Variants in TIAM2 observed in about 807,000 individuals in gnomAD.
The protein encoded by TIAM2 is TIAM Rac1 associated GEF 2.
In TIAM2, 80 loss-of-function variants were observed where a neutral mutation model predicts 152.9. The observed-to-expected ratio is 0.52, with a 90% CI of 0.44 to 0.63. TIAM2 has a LOEUF of 0.63. TIAM2 is among the 30% of genes least tolerant of loss of function. The pLI, the probability that TIAM2 is intolerant of heterozygous loss-of-function variation, is 0.00. For missense variants in TIAM2, 1,965 were observed against 2,120.1 expected (o/e 0.93, Z 1.44); for synonymous variants, 804 against 838.0 (o/e 0.96, Z 0.70).
At chr6:155,165,194 C>G in intron 8 of TIAM2, 69 bp from the exon 9 acceptor site, 14 of 1,485,410 alleles carry the variant, frequency 9.4e-6, no homozygotes, top group African/African-American at 1.4e-5. Context: ...GCAGAGCTCA[C>G]TTCCTTCATT....
intron 19 of TIAM2, among the ~76,000 whole-genome samples, chr6:155,247,182 C>G (rs11752183): frequency 1.3e-5 from 2 of 152,044 alleles, no homozygotes; most frequent in Non-Finnish European, 2.9e-5. Flanking sequence ...GGAGAAAAGA[C>G]ACTGCTTTCC....
intron 8 of TIAM2, 104 bp downstream of exon 8, chr6:155,164,704 C>T (rs1208218857): frequency 7.3e-7 from 1 of 1,375,828 alleles, no homozygotes; most frequent in Non-Finnish European, 9.9e-7. Context: ...CTTGACCCAA[C>T]AACTGACACC....
At chr6:155,226,526 A>G (rs943580727) in intron 15 of TIAM2, among the ~76,000 whole-genome samples, 6 of 151,980 alleles carry the variant, frequency 3.9e-5, no homozygotes, top group East Asian at 3.9e-4. Flanking sequence ...TTAGCTGGGT[A>G]TGGTGGTGCA....
chr6:155,254,161 A>T, intron 25 of TIAM2, 101 bp downstream of exon 25: 2 of 1,284,904 alleles, frequency 1.6e-6, no homozygotes, highest in South Asian at 2.8e-5. Context: ...TGATGATATC[A>T]GGGTCATACT....
intron 1 of TIAM2, among the ~76,000 whole-genome samples, chr6:155,064,217 A>G (rs1478426488): frequency 1.3e-5 from 2 of 152,188 alleles, no homozygotes; most frequent in Admixed American, 6.5e-5. Context: ...TTGATTACCT[A>G]CCAGATTTCC....
At chr6:155,060,205 A>G (rs1583172149) in intron 1 of TIAM2, among the ~76,000 whole-genome samples, 1 of 152,054 alleles carries the variant, frequency 6.6e-6, no homozygotes, top group Non-Finnish European at 1.5e-5. Flanking sequence ...GGAGTTCGAG[A>G]CCAGCCTGAC....
intron 1 of TIAM2, among the ~76,000 whole-genome samples, chr6:155,087,482 C>G (rs1469876498): frequency 6.6e-6 from 1 of 152,152 alleles, no homozygotes; most frequent in Non-Finnish European, 1.5e-5. Context: ...GGTGCAGTGG[C>G]TCACGCCTGT....
intron 16 of TIAM2, among the ~76,000 whole-genome samples, chr6:155,241,979 GTGT>G (rs1216070608): frequency 2.0e-5 from 3 of 152,314 alleles, no homozygotes; most frequent in Admixed American, 6.5e-5. Context: ...TTTGGTAATA[GTGT>G]TGTTAGAATT....
At chr6:155,217,247 G>C (rs1290441301) in intron 15 of TIAM2, among the ~76,000 whole-genome samples, 1 of 152,210 alleles carries the variant, frequency 6.6e-6, no homozygotes, top group Non-Finnish European at 1.5e-5. Flanking sequence ...CTCCCCAGAA[G>C]GGATTCTGAC....
chr6:155,224,701 G>A (rs958163019), intron 15 of TIAM2, among the ~76,000 whole-genome samples: 5 of 152,186 alleles, frequency 3.3e-5, no homozygotes, highest in Admixed American at 2.0e-4. Flanking sequence ...GCATGCTGCC[G>A]CCTCTGCTAT....
At chr6:155,198,666 C>CAAAAAAAAAAAAAA (rs10626644) in intron 14 of TIAM2, among the ~76,000 whole-genome samples, 8 of 70,302 alleles carry the variant, frequency 1.1e-4, no homozygotes, top group Non-Finnish European at 1.5e-4. Flanking sequence ...GAGCAAATCT[C>CAAAAAAAAAAAAAA]AAAAAAAAAA....
chr6:155,199,976 T>C (rs946230756), intron 14 of TIAM2, among the ~76,000 whole-genome samples: 3 of 152,258 alleles, frequency 2.0e-5, no homozygotes, highest in Non-Finnish European at 4.4e-5. Context: ...GACAAGGTCA[T>C]AGTCAGTGGC....
At position 155,131,082 on chromosome 6, in the gene TIAM2, C is replaced by T. The variant is rs115593179; in HGVS notation, c.1194+665C>T. On this transcript the variant is annotated intron_variant, in intron 4 of 26. Coordinates refer to ENST00000682666, the MANE Select transcript of TIAM2 (RefSeq NM_012454.4). ...CCTAATCTTAAGACTTGGCCATAGC[C>T]GGTGTGGCAGCTCATGCCTGTCATC... Among the ~76,000 whole-genome samples, 1,318 of 152,318 alleles carry T rather than the reference C, an allele frequency of 8.7e-3. 15 individuals are homozygous for T. Among genetic ancestry groups the T allele is most frequent in the African/African-American group, 0.03 (1,244 of 41,566 alleles).
At chr6:155,209,910 C>T (rs1382073213) in intron 14 of TIAM2, among the ~76,000 whole-genome samples, 1 of 152,190 alleles carries the variant, frequency 6.6e-6, no homozygotes, top group Non-Finnish European at 1.5e-5. Context: ...TAAAGGTTCT[C>T]CAGAAACCAT....
chr6:155,134,798 C>T (rs920937401), intron 4 of TIAM2, among the ~76,000 whole-genome samples: 7 of 152,168 alleles, frequency 4.6e-5, no homozygotes, highest in East Asian at 3.9e-4. Context: ...CTCCGCCTCC[C>T]GGGTTCAAGC....
intron 9 of TIAM2, among the ~76,000 whole-genome samples, chr6:155,175,753 A>C (rs139427879): frequency 1.3e-5 from 2 of 152,306 alleles, no homozygotes; most frequent in African/African-American, 4.8e-5. Flanking sequence ...AATGTATGCT[A>C]TTTTTGTTAT....
At chr6:155,011,677 C>G (rs1387730565) in intron 1 of TIAM2, among the ~76,000 whole-genome samples, 1 of 152,184 alleles carries the variant, frequency 6.6e-6, no homozygotes, top group Non-Finnish European at 1.5e-5. Context: ...TCATCTGGCT[C>G]TCACAATTCC....
At chr6:155,167,921 A>T (rs568325386) in intron 9 of TIAM2, among the ~76,000 whole-genome samples, 2 of 152,354 alleles carry the variant, frequency 1.3e-5, no homozygotes, top group South Asian at 4.1e-4. Context: ...TCTTAGGTGT[A>T]GACATTCTGC....
chr6:155,008,438 G>A (rs1400557103), intron 1 of TIAM2, among the ~76,000 whole-genome samples: 1 of 152,192 alleles, frequency 6.6e-6, no homozygotes, highest in Non-Finnish European at 1.5e-5. Flanking sequence ...CCTCAGGCTA[G>A]GGGTGAAACA....
Sources: gnomAD v4.1 joint callset for allele counts (sites outside exome capture counted in the v4.1 genomes callset) on GRCh38, gnomAD v4.1.1 for gene constraint, MANE v1.5 for transcripts, NCBI Gene and HGNC (gene_info 2026-07-23, HGNC 2026-07-21) for gene names.